The following GPR20 variants were observed in gnomAD, a reference collection of about 807,000 sequenced individuals.
GPR20 encodes CTD-3064M3.3.
For missense variants in GPR20, 494 were observed against 527.4 expected (o/e 0.94, Z 0.62); for synonymous variants, 241 against 241.9 (o/e 1.00, Z 0.04).
chr8:141,357,550 G>A lies in GPR20; in HGVS notation c.374C>T (p.Pro125Leu), dbSNP rs574543197. The A allele has an allele frequency of 1.9e-6, 3 of 1,613,818 alleles. No individual in the cohort carries two copies. The highest frequency in any genetic ancestry group is 2.5e-6 in the Non-Finnish European group (3 of 1,180,000). The change falls in exon 2 of 2, where the codon CCG becomes CTG. Residue 125 changes from proline to leucine, a missense_variant. Physicochemically the swap from Pro to Leu is moderately conservative, Grantham distance 98 (BLOSUM62 -3). Transcript: ENST00000377741. ...GARGCLRCAF[P>L]HVLGYFLNMH... ...GTTGAGGAAGTAACCGAGGACGTGC[G>A]GGAAGGCACAGCGCAGGCAGCCCCT... is the stretch of plus-strand genomic sequence containing the variant.
intron 1 of GPR20, among the ~76,000 whole-genome samples, 194 bp downstream of exon 1, chr8:141,367,007 T>G (rs1243340548): frequency 6.6e-6 from 1 of 152,238 alleles, no homozygotes; most frequent in Non-Finnish European, 1.5e-5. Flanking sequence ...TTTTCTCATC[T>G]GAGAAATGGC....
chr8:141,362,844 C>G (rs1359026618), intron 1 of GPR20, among the ~76,000 whole-genome samples: 1 of 151,746 alleles, frequency 6.6e-6, no homozygotes, highest in African/African-American at 2.4e-5. Context: ...ACCTCCACTT[C>G]CTGGGTTCAA....
In GPR20 at chr8:141,357,795, C is replaced by T. The variant is rs1382280297; in HGVS notation, c.129G>A (p.Glu43=). 1.9e-6 allele frequency: 3 copies of T among 1,613,430 alleles called. No individual in the cohort carries two copies. Among genetic ancestry groups the T allele is most frequent in the East Asian group, 2.2e-5 (1 of 44,882 alleles). ...GGCCTGGGAAGGTGCCATGCAGCTC[C>T]TCGTCCAGCCGGGCAAACAGGTGGA... ...PLFHLFARLD[E]ELHGTFPGLW... The change falls in exon 2 of 2, where the codon GAG becomes GAA. Residue 43 remains glutamate, a synonymous_variant. Transcript: ENST00000377741.
chr8:141,359,678 G>A (rs541511456), intron 1 of GPR20, among the ~76,000 whole-genome samples: 15 of 152,322 alleles, frequency 9.8e-5, no homozygotes, highest in African/African-American at 2.6e-4. Context: ...CACCAGAGAC[G>A]GGATTTGGGG....
At position 141,357,181 on chromosome 8, in the gene GPR20, A is replaced by G; in HGVS notation, c.743T>C (p.Ile248Thr). 6.2e-7 allele frequency: 1 copy of G among 1,600,056 alleles called. No individual in the cohort carries two copies. The highest frequency in any genetic ancestry group is 8.5e-7 in the Non-Finnish European group (1 of 1,175,682). Residue 248 changes from isoleucine (I) to threonine (T), a missense_variant, in exon 2 of 2, where the codon ATC becomes ACC. Ile to Thr is a moderately conservative substitution (Grantham distance 89, BLOSUM62 -1). Transcript: ENST00000377741. ...RAMQLLLTVL[I>T]IFLVCFTPFH... is the part of the protein sequence containing the mutation. ...GGGCGTGAAGCAGACGAGAAAGATG[A>G]TGAGCACCGTGAGCAGGAGCTGCAT...
intron 1 of GPR20, 105 bp downstream of exon 1, chr8:141,367,096 C>T (rs1047750660): frequency 3.9e-5 from 6 of 152,248 alleles, no homozygotes; most frequent in African/African-American, 1.2e-4. Flanking sequence ...CCTTCCCACT[C>T]CTGCTTGGCT....
chr8:141,356,790 C>A lies in GPR20; in HGVS notation c.*57G>T. On this transcript the variant is annotated 3_prime_UTR_variant, in exon 2 of 2. Transcript: ENST00000377741. The stretch of plus-strand genomic sequence containing the variant: ...TTGCCACCCCTGGCATGGTGGGTGT[C>A]CACGCTGGCATGCCCAGATGAGTCC... The A allele has an allele frequency of 7.9e-7, 1 of 1,263,654 alleles. No individual in the cohort carries two copies. The highest frequency in any genetic ancestry group is 1.1e-6 in the Non-Finnish European group (1 of 907,692). 78.3% of individuals were successfully genotyped at this position (1,263,654 alleles called of 1,614,324 possible).
chr8:141,366,857 C>T (rs1310720904), intron 1 of GPR20, among the ~76,000 whole-genome samples: 2 of 152,182 alleles, frequency 1.3e-5, no homozygotes, highest in Non-Finnish European at 2.9e-5. Context: ...CTCTGGGCAC[C>T]CAGCAGATGC....
intron 1 of GPR20, 123 bp from the exon 2 acceptor site, chr8:141,358,070 G>T (rs1007746543): frequency 1.7e-6 from 1 of 599,080 alleles, no homozygotes; most frequent in Non-Finnish European, 2.9e-6. Flanking sequence ...CCATGCCCTC[G>T]CCTGGCTGGG....
intron 1 of GPR20, among the ~76,000 whole-genome samples, chr8:141,364,815 G>T (rs975735681): frequency 1.3e-5 from 2 of 151,068 alleles, no homozygotes; most frequent in African/African-American, 4.9e-5. Context: ...TCTGGGAGGG[G>T]CATGGCCAGT....
rs1372986496 is a variant in GPR20 at position 141,358,049 on chromosome 8, A to AG, written c.-24-103_-24-102insC. On this transcript the variant is annotated intron_variant, in intron 1 of 1. Transcript: ENST00000377741. ...GCCCGTCTGCCCCTGCACGCCCAGC[A>AG]TCCCCCTTCTCCATGCCCTCGCCTG... is the stretch of plus-strand genomic sequence containing the variant. 69 of 628,742 alleles carry AG rather than the reference A, an allele frequency of 1.1e-4. No individual in the cohort carries two copies. In the Admixed American group the frequency reaches 1.1e-3, roughly 10 times the overall value. 38.9% of individuals were successfully genotyped at this position (628,742 alleles called of 1,614,324 possible). A position where few individuals can be genotyped will look rare whatever the true frequency, so the allele number is the denominator to read the frequency against.
intron 1 of GPR20, among the ~76,000 whole-genome samples, chr8:141,361,175 G>A (rs918227764): frequency 6.6e-6 from 1 of 152,234 alleles, no homozygotes; most frequent in Admixed American, 6.5e-5. Context: ...CCTGGAGGCT[G>A]TGCCAGGGCT....
At position 141,356,886 on chromosome 8, in the gene GPR20, G is replaced by A. The variant is rs143127247; in HGVS notation, c.1038C>T (p.His346=). ...GRHHILSAGP[H]ALTQALANGP... is the part of the protein sequence containing the mutation. Reference sequence around the variant, plus strand: ...CATTAGCCAGGGCCTGGGTGAGGGCGTGAGGGCCGGCACTGAGGATGTGAT... The same window carrying A: ...CATTAGCCAGGGCCTGGGTGAGGGCATGAGGGCCGGCACTGAGGATGTGAT... Residue 346 remains histidine (H), a synonymous_variant, in exon 2 of 2, where the codon CAC becomes CAT. Coordinates refer to ENST00000377741, the MANE Select transcript of GPR20 (RefSeq NM_005293.3). 5.4e-3 allele frequency: 8,746 copies of A among 1,608,434 alleles called. 68 individuals carry two copies. The highest frequency in any genetic ancestry group is 0.016 in the South Asian group (1,479 of 90,868).
intron 1 of GPR20, among the ~76,000 whole-genome samples, chr8:141,359,484 G>T (rs1223810577): frequency 6.6e-6 from 1 of 152,198 alleles, no homozygotes; most frequent in Non-Finnish European, 1.5e-5. Flanking sequence ...CTGCTGGGAG[G>T]AGTCAAGTGC....
rs1237694440 is a variant in GPR20, at chr8:141,357,721, AG to A, written c.202del (p.Leu68TrpfsTer30). The A allele has an allele frequency of 4.3e-6, 7 of 1,613,272 alleles. No homozygotes were observed. The highest frequency in any genetic ancestry group is 5.1e-6 in the Non-Finnish European group (6 of 1,179,984). On this transcript the variant is annotated frameshift_variant, in exon 2 of 2. Coordinates refer to ENST00000377741, the MANE Select transcript of GPR20 (RefSeq NM_005293.3). LOFTEE classifies it low-confidence loss of function (END_TRUNC). ...GTACAGCGCCAGCCCGTTGAGCACC[AG>A]CCCTGCCAGGAAGATGGCTCCGTGC... ...AVHGAIFLAG[L>X]VLNGLALYVF...
At chr8:141,364,234 G>A (rs1831781681) in intron 1 of GPR20, among the ~76,000 whole-genome samples, 1 of 152,224 alleles carries the variant, frequency 6.6e-6, no homozygotes, top group Non-Finnish European at 1.5e-5. Context: ...GTGACCACGG[G>A]TCTGTGTGTG....
chr8:141,359,476 G>T (rs1831701600), intron 1 of GPR20, among the ~76,000 whole-genome samples: 1 of 152,212 alleles, frequency 6.6e-6, no homozygotes, highest in African/African-American at 2.4e-5. Context: ...CCTGGAGGCT[G>T]CTGGGAGGAG....
In GPR20 at chr8:141,357,217, C is replaced by T. The variant is rs775863809; in HGVS notation, c.707G>A (p.Arg236His). 1.4e-5 allele frequency: 22 copies of T among 1,563,994 alleles called. No individual in the cohort carries two copies. Among genetic ancestry groups the T allele is most frequent in the East Asian group, 4.7e-5 (2 of 42,288 alleles). The change falls in exon 2 of 2, where the codon CGC (arginine) becomes CAC (histidine). Residue 236 changes from arginine to histidine, a missense_variant. Arg to His is a conservative substitution (Grantham distance 29). Coordinates refer to ENST00000377741, the MANE Select transcript of GPR20 (RefSeq NM_005293.3). ...GAGCAGGAGCTGCATGGCCCGCACG[C>T]GGCGCTGGCGACCCTGGTGGAGCAG... is the stretch of plus-strand genomic sequence containing the variant. ...PGLLHQGRQR[R>H]VRAMQLLLTV... is the part of the protein sequence containing the mutation.
rs746995639 is a variant in GPR20, at chr8:141,357,130, G to T, written c.794C>A (p.Ala265Glu). The T allele has an allele frequency of 6.2e-7, 1 of 1,611,060 alleles. No individual in the cohort carries two copies. The highest frequency in any genetic ancestry group is 1.1e-5 in the South Asian group (1 of 91,060). The part of the protein sequence containing the change: ...TPFHARQVAV[A>E]LWPDMPHHTS... The stretch of plus-strand genomic sequence containing the variant: ...GTGGTGTGGCATGTCGGGCCACAGC[G>T]CCACGGCCACTTGGCGGGCGTGGAA... Residue 265 changes from alanine to glutamate, a missense_variant, in exon 2 of 2, where the codon GCG becomes GAG. Coordinates refer to ENST00000377741, the MANE Select transcript of GPR20 (RefSeq NM_005293.3).
Sources: gnomAD v4.1 joint callset for allele counts (sites outside exome capture counted in the v4.1 genomes callset) on GRCh38, gnomAD v4.1.1 for gene constraint, MANE v1.5 for transcripts, NCBI Gene and HGNC (gene_info 2026-07-23, HGNC 2026-07-21) for gene names.